COL3A1: variants seen among roughly 807,000 people sequenced by gnomAD.
The protein encoded by COL3A1 is collagen type III alpha 1 chain.
Under a neutral mutation model 200.9 loss-of-function variants are expected in COL3A1, and 46 were observed. That is an observed-to-expected ratio of 0.23 (90% CI 0.18 to 0.29). COL3A1 has a LOEUF of 0.29. COL3A1 is among the 10% of genes least tolerant of loss of function. The pLI is 1.00. For missense variants in COL3A1, 1,367 were observed against 1,917.6 expected (o/e 0.71, Z 5.36); for synonymous variants, 650 against 628.0 (o/e 1.03, Z -0.52).
intron 26 of COL3A1, 71 bp from the exon 27 acceptor site, chr2:188,997,629 T>A (rs1158775635): frequency 6.8e-7 from 1 of 1,474,138 alleles, no homozygotes. Context: ...GCAACAGGCC[T>A]GTTGAAATGG....
intron 1 of COL3A1, among the ~76,000 whole-genome samples, chr2:188,976,548 G>T (rs552102128): frequency 1.3e-5 from 2 of 152,164 alleles, no homozygotes; most frequent in South Asian, 4.1e-4. Flanking sequence ...TATTAGATAA[G>T]CTTTGGAAAA....
chr2:188,993,255 C>T (rs1056684200), intron 15 of COL3A1, 106 bp from the exon 16 acceptor site: 2 of 932,482 alleles, frequency 2.1e-6, no homozygotes, highest in Non-Finnish European at 3.4e-6. Flanking sequence ...TATAGAGTCC[C>T]ACTACTCCAA....
intron 4 of COL3A1, among the ~76,000 whole-genome samples, chr2:188,986,632 C>A (rs905687909): frequency 5.3e-5 from 8 of 151,940 alleles, no homozygotes; most frequent in Non-Finnish European, 1.2e-4. Context: ...ATGAATTTTA[C>A]TTGTATCATT....
At chr2:188,975,044 C>G (rs1028036798) in intron 1 of COL3A1, among the ~76,000 whole-genome samples, 1 of 152,126 alleles carries the variant, frequency 6.6e-6, no homozygotes, top group Admixed American at 6.6e-5. Flanking sequence ...GAAGATTCTA[C>G]GCATTATCAG....
Position 188,994,395 on chromosome 2 carries a change from T to C in COL3A1, c.1293+63T>C. The C allele has an allele frequency of 1.2e-6, 2 of 1,603,236 alleles. No homozygotes were observed. Among genetic ancestry groups the C allele is most frequent in the Non-Finnish European group, 1.7e-6 (2 of 1,171,160 alleles). On this transcript the variant is annotated intron_variant, in intron 18 of 50. Transcript: ENST00000304636. The surrounding 1 kb of genome is among the most constrained non-coding windows in gnomAD (Gnocchi z 4.5). ...ATAGTTTAATTCCATCAACAAAAAA[T>C]TAATAGCAAAATTTTGCTCCTGTTC... is the stretch of plus-strand genomic sequence containing the variant.
intron 1 of COL3A1, among the ~76,000 whole-genome samples, chr2:188,980,637 A>C (rs2153500882): frequency 6.6e-6 from 1 of 150,778 alleles, no homozygotes; most frequent in Non-Finnish European, 1.5e-5. Flanking sequence ...TATGCAAAAC[A>C]GTGCTTTTAA....
intron 10 of COL3A1, 37 bp from the exon 11 acceptor site, chr2:188,990,967 G>T: frequency 6.3e-7 from 1 of 1,587,628 alleles, no homozygotes; most frequent in South Asian, 1.1e-5. Context: ...ATTATTAACA[G>T]ATTTTAATAA....
chr2:189,011,971 TTTTTG>T lies in COL3A1; in HGVS notation c.*202_*206del, dbSNP rs1688740068. 4.8e-6 allele frequency: 3 copies of T among 625,490 alleles called. No homozygotes were observed. Among genetic ancestry groups the T allele is most frequent in the East Asian group, 2.8e-5 (1 of 35,196 alleles). The allele number at this position is 625,490 out of a possible 1,614,324, so 38.7% of individuals were successfully genotyped here. The stretch of plus-strand genomic sequence containing the variant: ...GTTCCACCAAATACAATTCAAATGC[TTTTTG>T]TTTTATTTTTTTACCAATTCCAATT... On this transcript the variant is annotated 3_prime_UTR_variant, in exon 51 of 51. Transcript: ENST00000304636.
At chr2:189,007,363 C>T in intron 44 of COL3A1, 137 bp from the exon 45 acceptor site, 1 of 654,704 alleles carries the variant, frequency 1.5e-6, no homozygotes, top group Admixed American at 2.8e-5. Context: ...ATCTCATTTC[C>T]TATCTGAAGT....
At chr2:188,988,869 G>C (rs1251412710) in intron 7 of COL3A1, among the ~76,000 whole-genome samples, 1 of 151,730 alleles carries the variant, frequency 6.6e-6, no homozygotes, top group Non-Finnish European at 1.5e-5. Flanking sequence ...CATCAAAATA[G>C]TCCACTTCCC....
chr2:188,985,031 A>T, intron 2 of COL3A1, 69 bp downstream of exon 2: 1 of 1,505,390 alleles, frequency 6.6e-7, no homozygotes, highest in Middle Eastern at 1.7e-4. Flanking sequence ...CCTATATCAT[A>T]GGAGCCTAAA....
Position 189,001,445 on chromosome 2 carries a change from G to T in COL3A1, c.2332G>T (p.Asp778Tyr), listed in dbSNP as rs373006504. 4 of 1,613,950 alleles carry T rather than the reference G, an allele frequency of 2.5e-6. No homozygotes were observed. In the Admixed American group the frequency reaches 5.0e-5, roughly 20 times the overall value. ...GPPGPAGQPGDKGEGGAPGLP... is the reference protein window; with the variant it reads ...GPPGPAGQPGYKGEGGAPGLP... ...TCCTGGCCCAGCTGGCCAGCCTGGAGATAAGGTAACCCTTAATACTACCTG... is the reference window on the plus strand; with the variant it reads ...TCCTGGCCCAGCTGGCCAGCCTGGATATAAGGTAACCCTTAATACTACCTG... Residue 778 changes from aspartate to tyrosine, a missense_variant, in exon 33 of 51, where the codon GAT (aspartate) becomes TAT (tyrosine). Physicochemically the swap from Asp to Tyr is radical, Grantham distance 160. Coordinates refer to ENST00000304636, the MANE Select transcript of COL3A1 (RefSeq NM_000090.4).
chr2:188,998,582 T>C (rs1688381475), intron 28 of COL3A1, 92 bp from the exon 29 acceptor site: 9 of 1,311,044 alleles, frequency 6.9e-6, no homozygotes, highest in Non-Finnish European at 9.8e-6. Context: ...ATTTTGCTTA[T>C]ATTTACATAT....
At chr2:188,990,973 A>C in intron 10 of COL3A1, 31 bp from the exon 11 acceptor site, 1 of 1,603,522 alleles carries the variant, frequency 6.2e-7, no homozygotes, top group South Asian at 1.1e-5. Context: ...AACAGATTTT[A>C]ATAATTTTGC....
rs1173786374 is a variant in COL3A1, at chr2:188,999,469, G to A, written c.2122-1G>A. 1 of 1,613,872 alleles carries A rather than the reference G, an allele frequency of 6.2e-7. No individual in the cohort carries two copies. Among genetic ancestry groups the A allele is most frequent in the Non-Finnish European group, 8.5e-7 (1 of 1,180,010 alleles). ...ATTTATTATTTCTCACTTATTTTCAGGGTGCTGCTGGTCCTCCTGGGCCAC... is the reference window on the plus strand; with the variant it reads ...ATTTATTATTTCTCACTTATTTTCAAGGTGCTGCTGGTCCTCCTGGGCCAC... On this transcript the variant is annotated splice_acceptor_variant, in intron 30 of 50. Transcript: ENST00000304636. LOFTEE classifies it high-confidence loss of function.
rs140229974 is a variant in COL3A1 at position 188,996,478 on chromosome 2, C to A, written c.1743C>A (p.Pro581=). The A allele has an allele frequency of 6.2e-7, 1 of 1,613,498 alleles. No homozygotes were observed. The highest frequency in any genetic ancestry group is 1.7e-5 in the Admixed American group (1 of 59,972). Residue 581 remains proline, a synonymous_variant, in exon 24 of 51, where the codon CCC becomes CCA. Coordinates refer to ENST00000304636, the MANE Select transcript of COL3A1 (RefSeq NM_000090.4). ...PRGQPGVMGF[P]GPKGNDGAPG... is the part of the protein sequence containing the mutation. ...GTCAGCCTGGTGTCATGGGCTTCCC[C>A]GGTCCTAAAGGAAATGATGTGAGTT...
chr2:188,985,599 A>T (rs1576461119), intron 3 of COL3A1, 66 bp from the exon 4 acceptor site: 1 of 1,012,170 alleles, frequency 9.9e-7, no homozygotes, highest in East Asian at 2.6e-5. Context: ...GAGAAACAAC[A>T]ATCTGATAAT....
chr2:188,976,441 G>C (rs1012327091), intron 1 of COL3A1, among the ~76,000 whole-genome samples: 1 of 152,106 alleles, frequency 6.6e-6, no homozygotes, highest in Non-Finnish European at 1.5e-5. Context: ...AAAGAGAACT[G>C]TTCAGCCTAT....
intron 1 of COL3A1, among the ~76,000 whole-genome samples, chr2:188,980,672 CT>C (rs1687934391): frequency 6.6e-6 from 1 of 150,772 alleles, no homozygotes. Context: ...CCTAGAATGT[CT>C]ACAGATACTT....
Sources: gnomAD v4.1 joint callset for allele counts (sites outside exome capture counted in the v4.1 genomes callset) on GRCh38, gnomAD v4.1.1 for gene constraint, Gnocchi (gnomAD v3.1) non-coding constraint, MANE v1.5 for transcripts, NCBI Gene and HGNC (gene_info 2026-07-23, HGNC 2026-07-21) for gene names.